Variants in BCAS3 observed in about 807,000 individuals in gnomAD.
The protein encoded by BCAS3 is BCAS4/BCAS3 fusion.
BCAS3 carries 53 observed loss-of-function variants against 116.1 expected under a neutral mutation model. The observed-to-expected ratio is 0.46, with a 90% CI of 0.37 to 0.57. The LOEUF is 0.57. Ranked by LOEUF, BCAS3 falls within the 20% of genes least tolerant of loss-of-function variation. BCAS3 has a pLI of 0.00. For missense variants in BCAS3, 917 were observed against 1,165.4 expected, an observed-to-expected ratio of 0.79 and a Z score of 3.10; for synonymous variants, 391 against 408.2, an observed-to-expected ratio of 0.96 and a Z score of 0.51.
chr17:61,077,606 G>C lies in BCAS3; in HGVS notation c.2131-727G>C, dbSNP rs150885714. 6.0e-3 allele frequency among the ~76,000 whole-genome samples: 913 copies of C among 152,248 alleles called. 6 individuals carry two copies. Among genetic ancestry groups the C allele is most frequent in the African/African-American group, 0.02 (846 of 41,560 alleles). ...AGCGTGAAATTCATAAAGCATTTTGGTATTACTGTTTTGTAGCACATCAAA... is the reference window on the plus strand; with the variant it reads ...AGCGTGAAATTCATAAAGCATTTTGCTATTACTGTTTTGTAGCACATCAAA... On this transcript the variant is annotated intron_variant, in intron 20 of 23. Transcript: ENST00000407086. This position sits in a 1 kb window ranked among gnomAD's most constrained non-coding sequence, Gnocchi z 4.3.
At chr17:61,283,456 A>AT (rs771915805) in intron 22 of BCAS3, among the ~76,000 whole-genome samples, 10,869 of 142,304 alleles carry the variant, frequency 0.076, 463 homozygotes, top group Middle Eastern at 0.16. Context: ...AAGTAAATTG[A>AT]TTTTTTTTTT....
chr17:60,947,232 C>G lies in BCAS3; in HGVS notation c.1101C>G (p.Val367=). The G allele has an allele frequency of 6.2e-7, 1 of 1,612,300 alleles. No homozygotes were observed. Among genetic ancestry groups the G allele is most frequent in the Non-Finnish European group, 8.5e-7 (1 of 1,178,814 alleles). Reference sequence around the variant, plus strand: ...TTTGTCTTCCAGGAATGCTTCTAGTCACAACAGACACCCTTGGCCATGACT... The same window carrying G: ...TTTGTCTTCCAGGAATGCTTCTAGTGACAACAGACACCCTTGGCCATGACT... ...MAFNTSGMLL[V]TTDTLGHDFH... Residue 367 remains valine (V), a synonymous_variant, in exon 14 of 24, where the codon GTC becomes GTG. Transcript: ENST00000407086.
chr17:61,102,666 T>C (rs1007922978), intron 22 of BCAS3, among the ~76,000 whole-genome samples: 2 of 152,292 alleles, frequency 1.3e-5, no homozygotes, highest in East Asian at 3.9e-4. Flanking sequence ...ATGAGCTTTG[T>C]GGTTAGGTGT....
chr17:61,146,430 C>G (rs368721778), intron 22 of BCAS3, among the ~76,000 whole-genome samples: 3 of 151,922 alleles, frequency 2.0e-5, no homozygotes, highest in African/African-American at 7.3e-5. Context: ...CAGCCAAGGT[C>G]GCTTACTTGT....
chr17:60,748,502 A>G (rs2042186917), intron 6 of BCAS3, among the ~76,000 whole-genome samples: 2 of 152,168 alleles, frequency 1.3e-5, no homozygotes, highest in Admixed American at 1.3e-4. Context: ...TTGATAATGA[A>G]GATTCTAGAC....
At chr17:60,763,538 G>C (rs1255739227) in intron 6 of BCAS3, among the ~76,000 whole-genome samples, 2 of 152,144 alleles carry the variant, frequency 1.3e-5, no homozygotes, top group Non-Finnish European at 2.9e-5. Flanking sequence ...GCATCCCAGG[G>C]ATGAAGCCAA....
intron 4 of BCAS3, among the ~76,000 whole-genome samples, chr17:60,697,511 A>G (rs1488517611): frequency 6.9e-6 from 1 of 144,234 alleles, no homozygotes; most frequent in Non-Finnish European, 1.5e-5. Flanking sequence ...TGAAGCCAGG[A>G]GGTGGAGGTT....
chr17:61,055,546 C>T (rs1272652042), intron 19 of BCAS3, among the ~76,000 whole-genome samples: 2 of 152,048 alleles, frequency 1.3e-5, no homozygotes, highest in African/African-American at 2.4e-5. Flanking sequence ...TGACCTCTGC[C>T]CCCTGGGTCA....
At chr17:60,779,952 G>T (rs1219228277) in intron 6 of BCAS3, among the ~76,000 whole-genome samples, 1 of 151,450 alleles carries the variant, frequency 6.6e-6, no homozygotes, top group African/African-American at 2.4e-5. Context: ...CAATATTTTT[G>T]GGAAAATATT....
Position 61,315,827 on chromosome 17 carries a change from G to A in BCAS3, c.2426-52500G>A, listed in dbSNP as rs1602626117. Reference sequence around the variant, plus strand: ...GCTGCGTCCCCTCCACGGCTCCCCTGCAGTAGCACACCTCTGCACAGCTTT... The same window carrying A: ...GCTGCGTCCCCTCCACGGCTCCCCTACAGTAGCACACCTCTGCACAGCTTT... On this transcript the variant is annotated intron_variant, in intron 22 of 23. Transcript: ENST00000407086. The surrounding 1 kb of genome is among the most constrained non-coding windows in gnomAD (Gnocchi z 5.3). 6.6e-6 allele frequency among the ~76,000 whole-genome samples: 1 copy of A among 152,168 alleles called. No homozygotes were observed. The highest frequency in any genetic ancestry group is 1.9e-4 in the East Asian group (1 of 5,166).
intron 16 of BCAS3, among the ~76,000 whole-genome samples, chr17:61,018,468 A>T (rs1159827237): frequency 2.0e-5 from 3 of 151,348 alleles, no homozygotes; most frequent in African/African-American, 4.9e-5. Flanking sequence ...CACCCAGCTA[A>T]TTTTTGTATT....
rs1281145113 is a variant in BCAS3 at position 61,215,262 on chromosome 17, A to T, written c.2425+130698A>T. ...TTGTTAAAGAAAATATTTCAGAGTC[A>T]CTAGCAAAAGAAAACTACTTTCTTA... On this transcript the variant is annotated intron_variant, in intron 22 of 23. Transcript: ENST00000407086. The surrounding 1 kb of genome is among the most constrained non-coding windows in gnomAD (Gnocchi z 4.8). 1.3e-5 allele frequency among the ~76,000 whole-genome samples: 2 copies of T among 152,234 alleles called. No homozygotes were observed. The highest frequency in any genetic ancestry group is 3.8e-4 in the East Asian group (2 of 5,200).
At chr17:60,948,462 T>C (rs2060647856) in intron 14 of BCAS3, among the ~76,000 whole-genome samples, 1 of 152,172 alleles carries the variant, frequency 6.6e-6, no homozygotes, top group Non-Finnish European at 1.5e-5. Flanking sequence ...ATGGTAGATA[T>C]TGTGTATTGT....
chr17:60,907,734 CT>C (rs2058261147), intron 11 of BCAS3, among the ~76,000 whole-genome samples: 1 of 152,070 alleles, frequency 6.6e-6, no homozygotes, highest in South Asian at 2.1e-4. Context: ...TTTTCATCTC[CT>C]TTTGGCCAGG....
intron 22 of BCAS3, among the ~76,000 whole-genome samples, chr17:61,096,594 A>C (rs1361424742): frequency 6.6e-6 from 1 of 152,210 alleles, no homozygotes; most frequent in Non-Finnish European, 1.5e-5. Context: ...CAACTTTTCC[A>C]AATTCGTTTA....
chr17:61,150,010 G>A (rs1161703260), intron 22 of BCAS3, among the ~76,000 whole-genome samples: 1 of 152,172 alleles, frequency 6.6e-6, no homozygotes, highest in Non-Finnish European at 1.5e-5. Flanking sequence ...TGAATATCAG[G>A]TGTTTGCAGA....
chr17:60,746,922 C>G (rs1047243086), intron 5 of BCAS3, among the ~76,000 whole-genome samples: 2 of 152,068 alleles, frequency 1.3e-5, no homozygotes, highest in Non-Finnish European at 2.9e-5. Flanking sequence ...GTACAGATTT[C>G]TAATGGTTTA....
intron 11 of BCAS3, among the ~76,000 whole-genome samples, chr17:60,907,225 A>G (rs2145084520): frequency 6.6e-6 from 1 of 152,300 alleles, no homozygotes; most frequent in South Asian, 2.1e-4. Flanking sequence ...AGAGTCATGA[A>G]TTTTTTATGG....
Position 61,241,120 on chromosome 17 carries a change from T to G in BCAS3, c.2426-127207T>G, listed in dbSNP as rs2047478176. On this transcript the variant is annotated intron_variant, in intron 22 of 23. Coordinates refer to ENST00000407086, the MANE Select transcript of BCAS3 (RefSeq NM_017679.5). The surrounding 1 kb of genome is among the most constrained non-coding windows in gnomAD (Gnocchi z 4.6). ...CAATTACAATACAGTTAAGCTTTCTTTGGGGGACCCTCATATAGTGGGCAC... is the reference window on the plus strand; with the variant it reads ...CAATTACAATACAGTTAAGCTTTCTGTGGGGGACCCTCATATAGTGGGCAC... Among the ~76,000 whole-genome samples, 1 of 152,212 alleles carries G rather than the reference T, an allele frequency of 6.6e-6. No homozygotes were observed. Among genetic ancestry groups the G allele is most frequent in the East Asian group, 1.9e-4 (1 of 5,196 alleles).
Sources: allele counts gnomAD v4.1 joint callset (sites outside exome capture counted in the v4.1 genomes callset), GRCh38; gene constraint gnomAD v4.1.1; non-coding constraint Gnocchi (gnomAD v3.1); transcripts MANE v1.5; gene names NCBI Gene and HGNC (gene_info 2026-07-23, HGNC 2026-07-21).